The following GRM7 variants were observed in gnomAD, a reference collection of about 807,000 sequenced individuals.
GRM7 encodes the protein glutamate metabotropic receptor 7, also known as metabotropic glutamate receptor 7.
In GRM7, 35 loss-of-function variants were observed where a neutral mutation model predicts 84.5. The observed-to-expected ratio is 0.41, with a 90% CI of 0.32 to 0.55. The LOEUF (loss-of-function observed/expected upper bound fraction) is 0.55, where lower values mean the gene tolerates loss of function less well. Among genes scored for constraint, GRM7 ranks in the 20% least tolerant of loss-of-function variants. The pLI, the probability that GRM7 is intolerant of heterozygous loss-of-function variation, is 0.19. For synonymous variants in GRM7, 487 were observed against 455.1 expected, an observed-to-expected ratio of 1.07 and a Z score of -0.89; for missense variants, 1,003 against 1,194.6, an observed-to-expected ratio of 0.84 and a Z score of 2.36.
At chr3:7,493,701 T>C (rs1286745328) in intron 7 of GRM7, among the ~76,000 whole-genome samples, 2 of 152,146 alleles carry the variant, frequency 1.3e-5, no homozygotes, top group Admixed American at 6.5e-5. Flanking sequence ...TAGTGCTTTA[T>C]TCTGCCATTT....
chr3:7,627,085 T>C (rs1277865264), intron 8 of GRM7, among the ~76,000 whole-genome samples: 1 of 152,162 alleles, frequency 6.6e-6, no homozygotes. Context: ...AGCTTCCACA[T>C]CTATACATTG....
intron 1 of GRM7, among the ~76,000 whole-genome samples, chr3:6,878,397 G>A (rs997191643): frequency 1.3e-5 from 2 of 151,462 alleles, no homozygotes; most frequent in Non-Finnish European, 2.9e-5. Context: ...GTGTGTGTGT[G>A]TGTGTGTGTG....
At chr3:6,883,707 A>G (rs891174826) in intron 1 of GRM7, among the ~76,000 whole-genome samples, 1 of 152,208 alleles carries the variant, frequency 6.6e-6, no homozygotes, top group African/African-American at 2.4e-5. Context: ...AGAACAGCCT[A>G]GGAAAGCTTC....
intron 2 of GRM7, among the ~76,000 whole-genome samples, chr3:7,247,602 TAAAA>T (rs1223872815): frequency 1.9e-5 from 2 of 102,596 alleles, no homozygotes; most frequent in African/African-American, 6.9e-5. Flanking sequence ...TCTTTTTTTT[TAAAA>T]AAAAAAAAAA....
intron 2 of GRM7, among the ~76,000 whole-genome samples, chr3:7,296,138 A>G (rs913212364): frequency 1.3e-5 from 2 of 151,966 alleles, no homozygotes; most frequent in East Asian, 1.9e-4. Context: ...CTCTGCATGT[A>G]TTAAGGTGCT....
chr3:7,193,848 C>G (rs1695795804), intron 2 of GRM7, among the ~76,000 whole-genome samples: 1 of 152,048 alleles, frequency 6.6e-6, no homozygotes, highest in Admixed American at 6.6e-5. Flanking sequence ...AGACTGACAA[C>G]TGGAAGAAAC....
intron 1 of GRM7, among the ~76,000 whole-genome samples, chr3:7,000,563 C>G (rs138347138): frequency 6.6e-6 from 1 of 152,186 alleles, no homozygotes; most frequent in East Asian, 1.9e-4. Flanking sequence ...CAAGTAGAGT[C>G]CATTATAACT....
chr3:7,058,986 T>G (rs1460850879), intron 1 of GRM7, among the ~76,000 whole-genome samples: 1 of 151,864 alleles, frequency 6.6e-6, no homozygotes, highest in Non-Finnish European at 1.5e-5. Context: ...GGCAAATATT[T>G]AGGCTAAACT....
At chr3:6,873,926 T>C (rs546380805) in intron 1 of GRM7, among the ~76,000 whole-genome samples, 4 of 152,322 alleles carry the variant, frequency 2.6e-5, no homozygotes, top group South Asian at 2.1e-4. Flanking sequence ...ACCTAGGGGA[T>C]TGAGTGAAAT....
chr3:7,674,327 G>A (rs2125135123), intron 8 of GRM7, among the ~76,000 whole-genome samples: 1 of 152,022 alleles, frequency 6.6e-6, no homozygotes, highest in Admixed American at 6.6e-5. Context: ...GAGTAGCTGG[G>A]ATTACAGGCA....
intron 1 of GRM7, among the ~76,000 whole-genome samples, chr3:6,991,646 T>A (rs1694640444): frequency 6.6e-6 from 1 of 152,162 alleles, no homozygotes; most frequent in Non-Finnish European, 1.5e-5. Flanking sequence ...TGAGGAATAA[T>A]TGACAAAAAT....
At chr3:7,344,516 T>A (rs1030396071) in intron 4 of GRM7, among the ~76,000 whole-genome samples, 6 of 152,094 alleles carry the variant, frequency 3.9e-5, no homozygotes, top group Non-Finnish European at 5.9e-5. Flanking sequence ...AAATTTTTTT[T>A]AAATAATAAA....
At chr3:7,146,003 A>T (rs1449669455) in intron 1 of GRM7, among the ~76,000 whole-genome samples, 2 of 152,194 alleles carry the variant, frequency 1.3e-5, no homozygotes, top group East Asian at 3.9e-4. Context: ...TCCACAATCA[A>T]TCGATGTTAG....
intron 4 of GRM7, among the ~76,000 whole-genome samples, chr3:7,410,851 A>G (rs1002592660): frequency 1.3e-5 from 2 of 152,136 alleles, no homozygotes; most frequent in African/African-American, 2.4e-5. Flanking sequence ...TTCCTTTCCT[A>G]AGGATAACAT....
chr3:6,905,972 T>G (rs568395491), intron 1 of GRM7, among the ~76,000 whole-genome samples: 3 of 152,346 alleles, frequency 2.0e-5, no homozygotes, highest in Admixed American at 1.3e-4. Context: ...CCATATTGAT[T>G]TTGTGTAAGT....
chr3:6,988,784 T>C (rs1003420315), intron 1 of GRM7, among the ~76,000 whole-genome samples: 2 of 152,204 alleles, frequency 1.3e-5, no homozygotes, highest in Non-Finnish European at 2.9e-5. Flanking sequence ...ATCATTTTTA[T>C]TTTATATTTT....
chr3:7,162,728 C>CTTTTTTT (rs1559478421), intron 2 of GRM7, among the ~76,000 whole-genome samples: 2 of 57,100 alleles, frequency 3.5e-5, no homozygotes, highest in South Asian at 6.7e-4. Flanking sequence ...TCCCATTTTT[C>CTTTTTTT]ATTTTTTTTT....
chr3:7,150,397 C>A (rs955031723), intron 2 of GRM7, among the ~76,000 whole-genome samples: 2 of 152,218 alleles, frequency 1.3e-5, no homozygotes, highest in East Asian at 1.9e-4. Context: ...CGAACCAAGA[C>A]AATGATGTCA....
chr3:7,281,143 T>C (rs1255446411), intron 2 of GRM7, among the ~76,000 whole-genome samples: 1 of 152,220 alleles, frequency 6.6e-6, no homozygotes. Flanking sequence ...TCTGATTCCA[T>C]GCACTCGGGT....
Sources: allele counts gnomAD v4.1 joint callset (sites outside exome capture counted in the v4.1 genomes callset), GRCh38; gene constraint gnomAD v4.1.1; transcripts MANE v1.5; gene names NCBI Gene and HGNC (gene_info 2026-07-23, HGNC 2026-07-21).